The following ELAPOR2 variants were observed in gnomAD, a reference collection of about 807,000 sequenced individuals.
The protein encoded by ELAPOR2 is endosome/lysosome-associated apoptosis and autophagy regulator family member 2.
A neutral mutation model predicts 120.7 loss-of-function variants in ELAPOR2; 89 were observed. The ratio of observed to expected loss-of-function variants is 0.74; its 90% CI spans 0.62 to 0.88. The LOEUF is 0.88. Ranked by LOEUF, ELAPOR2 falls within the 40% of genes least tolerant of loss-of-function variation. ELAPOR2 has a pLI of 0.00. For synonymous variants in ELAPOR2, 444 were observed against 444.9 expected, an observed-to-expected ratio of 1.00 and a Z score of 0.03; for missense variants, 1,134 against 1,251.6, an observed-to-expected ratio of 0.91 and a Z score of 1.42.
intron 19 of ELAPOR2, 42 bp from the exon 20 acceptor site, chr7:86,893,142 T>C: frequency 6.9e-7 from 1 of 1,444,338 alleles, no homozygotes; most frequent in South Asian, 1.4e-5. Flanking sequence ...ACATGAGAAA[T>C]GAAATTCAGA....
Position 86,986,589 on chromosome 7 carries a change from A to G in ELAPOR2, c.190-21565T>C, listed in dbSNP as rs1403581222. ...ACAGACAAATCATGAGTGAACTCCC[A>G]TTCACAATTGCTTCAAAGGGAATAA... On this transcript the variant is annotated intron_variant, in intron 1 of 21. Transcript: ENST00000450689. 4.0e-5 allele frequency among the ~76,000 whole-genome samples: 6 copies of G among 150,330 alleles called. No individual in the cohort carries two copies. In the East Asian group the frequency reaches 1.2e-3, roughly 29 times the overall value.
intron 1 of ELAPOR2, among the ~76,000 whole-genome samples, chr7:87,014,233 A>C (rs1049796697): frequency 1.3e-5 from 2 of 152,138 alleles, no homozygotes; most frequent in Non-Finnish European, 2.9e-5. Flanking sequence ...CTTAAAATGG[A>C]AACACATGTA....
chr7:86,993,231 T>C (rs1339132238), intron 1 of ELAPOR2, among the ~76,000 whole-genome samples: 1 of 47,986 alleles, frequency 2.1e-5, no homozygotes. Flanking sequence ...CGAGACTCCA[T>C]CTCAAAAAAA....
intron 19 of ELAPOR2, among the ~76,000 whole-genome samples, chr7:86,896,228 T>C (rs1396879900): frequency 6.6e-6 from 1 of 152,142 alleles, no homozygotes; most frequent in Non-Finnish European, 1.5e-5. Context: ...TCATAAAATA[T>C]AAAATAAATC....
At chr7:87,057,626 C>T (rs1056779820) in intron 1 of ELAPOR2, among the ~76,000 whole-genome samples, 1 of 152,174 alleles carries the variant, frequency 6.6e-6, no homozygotes, top group African/African-American at 2.4e-5. Context: ...ATCAAGTGAA[C>T]CCAGCCTTCC....
At chr7:86,948,723 T>C (rs182996499) in intron 2 of ELAPOR2, among the ~76,000 whole-genome samples, 7 of 151,718 alleles carry the variant, frequency 4.6e-5, no homozygotes, top group Admixed American at 4.6e-4. Context: ...GAAGAATAGT[T>C]GACACACTAC....
intron 1 of ELAPOR2, among the ~76,000 whole-genome samples, chr7:87,019,607 A>G (rs1370889580): frequency 6.6e-6 from 1 of 152,230 alleles, no homozygotes; most frequent in Non-Finnish European, 1.5e-5. Flanking sequence ...TGAACTGGAC[A>G]CTATTTTTGT....
At chr7:86,939,479 T>C (rs931934261) in intron 6 of ELAPOR2, among the ~76,000 whole-genome samples, 1 of 152,064 alleles carries the variant, frequency 6.6e-6, no homozygotes. Flanking sequence ...CAAAGTTTAA[T>C]AAAGGAGAAT....
intron 13 of ELAPOR2, 29 bp from the exon 14 acceptor site, chr7:86,913,233 T>C: frequency 6.2e-7 from 1 of 1,605,350 alleles, no homozygotes; most frequent in Non-Finnish European, 8.5e-7. Flanking sequence ...AGTAATGACT[T>C]CTGCCTTGGG....
At chr7:87,046,232 T>A (rs747434029) in intron 1 of ELAPOR2, among the ~76,000 whole-genome samples, 5 of 152,052 alleles carry the variant, frequency 3.3e-5, no homozygotes, top group African/African-American at 4.8e-5. Context: ...TACCTAGGAA[T>A]CAACTTAACC....
intron 1 of ELAPOR2, among the ~76,000 whole-genome samples, chr7:87,013,012 G>A (rs528553109): frequency 6.6e-6 from 1 of 152,254 alleles, no homozygotes; most frequent in Admixed American, 6.5e-5. Context: ...CCATCAAATA[G>A]AACACAAAGA....
At chr7:86,986,179 C>G (rs1792727607) in intron 1 of ELAPOR2, among the ~76,000 whole-genome samples, 1 of 94,140 alleles carries the variant, frequency 1.1e-5, no homozygotes, top group South Asian at 2.6e-4. Context: ...CCTGTAATCC[C>G]AGCACTTTGG....
At chr7:86,957,874 T>G (rs1459627851) in intron 2 of ELAPOR2, among the ~76,000 whole-genome samples, 2 of 152,156 alleles carry the variant, frequency 1.3e-5, no homozygotes, top group African/African-American at 4.8e-5. Context: ...CTAAAAAATT[T>G]ATTTTATTTT....
At chr7:87,012,207 T>G (rs183282154) in intron 1 of ELAPOR2, among the ~76,000 whole-genome samples, 4 of 152,052 alleles carry the variant, frequency 2.6e-5, no homozygotes, top group Non-Finnish European at 5.9e-5. Context: ...GTCAGGAGAT[T>G]GAGACCATCC....
At chr7:86,941,887 A>AT (rs1790809851) in intron 5 of ELAPOR2, 131 bp downstream of exon 5, 1 of 565,960 alleles carries the variant, frequency 1.8e-6, no homozygotes, top group South Asian at 2.6e-5. Context: ...GTTAATTTTG[A>AT]TATTTTTTCT....
At chr7:86,951,832 T>C (rs945394202) in intron 2 of ELAPOR2, among the ~76,000 whole-genome samples, 4 of 152,228 alleles carry the variant, frequency 2.6e-5, no homozygotes, top group African/African-American at 7.2e-5. Context: ...TTCGTTAATG[T>C]TGAACTCATG....
In ELAPOR2 at chr7:86,878,200, A is replaced by G. The variant is rs1284378986; in HGVS notation, c.*2271T>C. 1.3e-5 allele frequency: 2 copies of G among 152,202 alleles called. No homozygotes were observed. The highest frequency in any genetic ancestry group is 2.4e-5 in the African/African-American group (1 of 41,460). 9.4% of individuals were successfully genotyped at this position (152,202 alleles called of 1,614,324 possible). A position where few individuals can be genotyped will look rare whatever the true frequency, so the allele number is the denominator to read the frequency against. On this transcript the variant is annotated 3_prime_UTR_variant, in exon 22 of 22. Transcript: ENST00000450689. ...CTTTCAACATTTCACTGAGCTTTGC[A>G]AAGGCCAGGCATAAAACTAAAGGAA... is the stretch of plus-strand genomic sequence containing the variant.
At chr7:86,994,419 A>G (rs1191167922) in intron 1 of ELAPOR2, among the ~76,000 whole-genome samples, 3 of 152,244 alleles carry the variant, frequency 2.0e-5, no homozygotes, top group Non-Finnish European at 4.4e-5. Flanking sequence ...ATCATCATCA[A>G]TCATCTTAGA....
At chr7:86,960,503 G>A (rs376237039) in intron 2 of ELAPOR2, among the ~76,000 whole-genome samples, 38 of 152,012 alleles carry the variant, frequency 2.5e-4, no homozygotes, top group African/African-American at 8.7e-4. Context: ...CACCAACCTC[G>A]GCCTCCCAAA....
Sources: allele counts gnomAD v4.1 joint callset (sites outside exome capture counted in the v4.1 genomes callset), GRCh38; gene constraint gnomAD v4.1.1; transcripts MANE v1.5; gene names NCBI Gene and HGNC (gene_info 2026-07-23, HGNC 2026-07-21).